The following TEX9 variants were observed in gnomAD, a reference collection of about 807,000 sequenced individuals.
The protein encoded by TEX9 is testis expressed 9.
TEX9 carries 74 observed loss-of-function variants against 59.6 expected under a neutral mutation model. The observed-to-expected ratio is 1.24, with a 90% CI of 1.03 to 1.51. The LOEUF is 1.51. TEX9 is among the 40% of genes most tolerant of loss of function. The pLI is 0.00. For synonymous variants in TEX9, 186 were observed against 152.2 expected (o/e 1.22, Z -1.64); for missense variants, 522 against 447.8 (o/e 1.17, Z -1.49).
At chr15:56,302,580 A>G (rs1486450996) in intron 1 of TEX9, among the ~76,000 whole-genome samples, 5 of 152,118 alleles carry the variant, frequency 3.3e-5, no homozygotes, top group Non-Finnish European at 7.4e-5. Flanking sequence ...AAAGCAAGAA[A>G]GTAAAACATA....
chr15:56,262,908 A>G (rs2044298854), intron 1 of TEX9, among the ~76,000 whole-genome samples: 1 of 152,220 alleles, frequency 6.6e-6, no homozygotes, highest in Admixed American at 6.5e-5. Flanking sequence ...TCTGATATTA[A>G]TATAACCACA....
intron 1 of TEX9, among the ~76,000 whole-genome samples, chr15:56,259,175 T>C (rs1292960136): frequency 6.6e-6 from 1 of 152,014 alleles, no homozygotes; most frequent in East Asian, 1.9e-4. Context: ...TTATGGCCCA[T>C]GTGACCTGCC....
At chr15:56,365,416 T>C (rs776126579), upstream of TEX9, 14 of 1,602,814 alleles carry the variant, frequency 8.7e-6, no homozygotes, top group South Asian at 2.2e-5. Context: ...GGAAGATGCG[T>C]CGTTGCCTCG....
chr15:56,361,008 G>A (rs2046779281), upstream of TEX9, among the ~76,000 whole-genome samples: 1 of 152,138 alleles, frequency 6.6e-6, no homozygotes, highest in South Asian at 2.1e-4. Flanking sequence ...GTATGGCATG[G>A]CATGCGTCCT....
At chr15:56,445,534 T>C (rs1022826976) in intron 12 of TEX9, 2 of 152,056 alleles carry the variant, frequency 1.3e-5, no homozygotes, top group East Asian at 1.9e-4. Flanking sequence ...ACTCTGATAA[T>C]ATGACTTGAC....
At chr15:56,294,452 G>A (rs1190820004) in intron 1 of TEX9, among the ~76,000 whole-genome samples, 1 of 152,090 alleles carries the variant, frequency 6.6e-6, no homozygotes, top group Non-Finnish European at 1.5e-5. Context: ...TGATATATTA[G>A]TATTGTAGCC....
intron 4 of TEX9, among the ~76,000 whole-genome samples, chr15:56,386,039 A>T (rs2047946515): frequency 6.6e-6 from 1 of 152,166 alleles, no homozygotes; most frequent in East Asian, 1.9e-4. Context: ...AAAACCTGGA[A>T]ATAATTAAAA....
At chr15:56,330,793 A>C (rs1261271575) in intron 1 of TEX9, among the ~76,000 whole-genome samples, 1 of 152,092 alleles carries the variant, frequency 6.6e-6, no homozygotes, top group Non-Finnish European at 1.5e-5. Context: ...TGGTTGGAGT[A>C]AGTTCTTACT....
chr15:56,394,968 T>C, intron 9 of TEX9, 134 bp downstream of exon 9: 3 of 864,744 alleles, frequency 3.5e-6, no homozygotes, highest in South Asian at 2.1e-5. Context: ...TCCCCTTACA[T>C]AGAATATTTT....
intron 1 of TEX9, among the ~76,000 whole-genome samples, chr15:56,317,929 A>G (rs1327151393): frequency 6.6e-6 from 1 of 152,152 alleles, no homozygotes; most frequent in Non-Finnish European, 1.5e-5. Flanking sequence ...AAAATATCTC[A>G]TGGGCACTTG....
the TEX9 span, among the ~76,000 whole-genome samples, chr15:56,452,672 C>A: frequency 6.6e-6 from 1 of 151,936 alleles, no homozygotes; most frequent in Non-Finnish European, 1.5e-5. Flanking sequence ...GCGTGTGCCA[C>A]CAGGCCCGGC....
chr15:56,395,562 C>G (rs2048428026), intron 9 of TEX9: 1 of 152,096 alleles, frequency 6.6e-6, no homozygotes, highest in South Asian at 2.1e-4. Context: ...GTTTTCCAAC[C>G]TGCCTGTACC....
intron 10 of TEX9, among the ~76,000 whole-genome samples, chr15:56,424,500 G>C (rs2050146780): frequency 6.6e-6 from 1 of 152,020 alleles, no homozygotes; most frequent in Non-Finnish European, 1.5e-5. Flanking sequence ...AAGTTTTTGG[G>C]AGGTCTGTTG....
chr15:56,301,923 C>T lies in TEX9; in HGVS notation c.-107+57645C>T, dbSNP rs573836871. On this transcript the variant is annotated intron_variant, in intron 1 of 5. Transcript: ENST00000560827. ...TTGTAACATTGTAATTGTGTGTAAA[C>T]TACTCATATCTTGAGTAGAAAGACT... 2.0e-4 allele frequency among the ~76,000 whole-genome samples: 30 copies of T among 152,250 alleles called. No homozygotes were observed. In the South Asian group the frequency reaches 6.0e-3, roughly 30 times the overall value.
chr15:56,390,566 G>A (rs1236384673), intron 6 of TEX9, among the ~76,000 whole-genome samples: 1 of 151,992 alleles, frequency 6.6e-6, no homozygotes, highest in Non-Finnish European at 1.5e-5. Context: ...TTGTTGATGT[G>A]TCAATGAATT....
intron 12 of TEX9, among the ~76,000 whole-genome samples, chr15:56,441,893 G>T (rs1290046640): frequency 2.0e-5 from 3 of 151,952 alleles, no homozygotes; most frequent in Non-Finnish European, 4.4e-5. Flanking sequence ...GGTGGCGGGT[G>T]CCTGTAGTCC....
intron 1 of TEX9, among the ~76,000 whole-genome samples, chr15:56,286,928 G>A (rs572350544): frequency 3.3e-5 from 5 of 152,116 alleles, no homozygotes; most frequent in Non-Finnish European, 7.4e-5. Flanking sequence ...AGAGGCAGAT[G>A]AGACAATTAT....
At chr15:56,305,925 G>GA (rs1170154218) in intron 1 of TEX9, among the ~76,000 whole-genome samples, 1 of 151,826 alleles carries the variant, frequency 6.6e-6, no homozygotes, top group East Asian at 1.9e-4. Context: ...AACTCAAAGA[G>GA]AAAAAAATGT....
chr15:56,369,397 A>G (rs143122074), intron 2 of TEX9, among the ~76,000 whole-genome samples: 2,517 of 149,784 alleles, frequency 0.017, 67 homozygotes, highest in African/African-American at 0.058. Flanking sequence ...CCTGTTGCCC[A>G]GACTGGAGTG....
Sources: gnomAD v4.1 joint callset for allele counts (sites outside exome capture counted in the v4.1 genomes callset) on GRCh38, gnomAD v4.1.1 for gene constraint, MANE v1.5 for transcripts, NCBI Gene and HGNC (gene_info 2026-07-23, HGNC 2026-07-21) for gene names.